The following XK variants were observed in gnomAD, a reference collection of about 807,000 sequenced individuals.
XK encodes X-linked Kx blood group antigen, Kell and VPS13A binding protein.
In XK, 2 loss-of-function variants were observed where a neutral mutation model predicts 14.0. The observed-to-expected ratio is 0.14, with a 90% confidence interval of 0.06 to 0.45. The LOEUF (loss-of-function observed/expected upper bound fraction) is 0.45, where lower values mean the gene tolerates loss of function less well. XK is among the 20% of genes least tolerant of loss of function. XK has a pLI of 0.98. For synonymous variants in XK, 149 were observed against 147.5 expected, an observed-to-expected ratio of 1.01 and a Z score of -0.08; for missense variants, 235 against 341.5, an observed-to-expected ratio of 0.69 and a Z score of 2.46.
rs1445465598 is a variant in XK at position 37,730,132 on chromosome X, G to T, written c.*1670G>T. ...TTATCAATATTTGTGGTTTAACTTT[G>T]TGGGGGTGTCCAGGCAGTAGATCAT... On this transcript the variant is annotated 3_prime_UTR_variant, in exon 3 of 3. Coordinates refer to ENST00000378616, the MANE Select transcript of XK (RefSeq NM_021083.4). 1 of 111,522 alleles carries T rather than the reference G, an allele frequency of 9.0e-6. No individual in the cohort carries two copies. Among genetic ancestry groups the T allele is most frequent in the African/African-American group, 3.3e-5 (1 of 30,686 alleles). The allele number at this position is 111,522 out of a possible 1,213,427, so 9.2% of individuals were successfully genotyped here. A position where few individuals can be genotyped will look rare whatever the true frequency, so the allele number is the denominator to read the frequency against.
At chrX:37,720,134 C>T (rs1318952714) in intron 2 of XK, among the ~76,000 whole-genome samples, 1 of 111,447 alleles carries the variant, frequency 9.0e-6, no homozygotes, top group African/African-American at 3.3e-5. Context: ...GCTCCCATAC[C>T]CACCAGCTTT....
chrX:37,712,243 A>G (rs1034398600), intron 2 of XK, among the ~76,000 whole-genome samples: 3 of 111,919 alleles, frequency 2.7e-5, no homozygotes, highest in African/African-American at 9.7e-5. Flanking sequence ...CGCTGCCCAG[A>G]GATCTACTTT....
At position 37,731,869 on chromosome X, in the gene XK, A is replaced by AAGGCATTAT. The variant is rs1247536593; in HGVS notation, c.*3408_*3416dup. The AAGGCATTAT allele has an allele frequency of 8.9e-6, 1 of 112,484 alleles. No homozygotes were observed. Among genetic ancestry groups the AAGGCATTAT allele is most frequent in the Non-Finnish European group, 1.9e-5 (1 of 53,241 alleles). The allele number at this position is 112,484 out of a possible 1,213,427, so 9.3% of individuals were successfully genotyped here. On this transcript the variant is annotated 3_prime_UTR_variant, in exon 3 of 3. Transcript: ENST00000378616. ...TGCTTTACAACTTGAATGCTGATTC[A>AAGGCATTAT]AGGCATTATTTGGATGTGAGTTTAA...
intron 2 of XK, among the ~76,000 whole-genome samples, chrX:37,698,382 C>T (rs1927342666): frequency 9.2e-6 from 1 of 108,562 alleles, no homozygotes; most frequent in Admixed American, 9.9e-5. Flanking sequence ...GTGGGCAAAT[C>T]GCTTGACCCC....
intron 2 of XK, among the ~76,000 whole-genome samples, chrX:37,697,056 G>A (rs1471218159): frequency 9.0e-6 from 1 of 111,473 alleles, no homozygotes; most frequent in Non-Finnish European, 1.9e-5. Context: ...TAGCTTAAAG[G>A]GATGCTAGGA....
intron 1 of XK, among the ~76,000 whole-genome samples, chrX:37,688,055 CTTTCTTTTT>C (rs1168884859): frequency 4.8e-5 from 3 of 62,195 alleles, no homozygotes; most frequent in African/African-American, 2.3e-4. Context: ...TTCTTTCTTT[CTTTCTTTTT>C]TTTTTTTTTT....
rs189077027 is a variant in XK, at chrX:37,716,112, A to G, written c.509-11524A>G. Among the ~76,000 whole-genome samples, 274 of 112,153 alleles carry G rather than the reference A, an allele frequency of 2.4e-3. 1 individual carries two copies. Among genetic ancestry groups the G allele is most frequent in the African/African-American group, 8.4e-3 (260 of 30,852 alleles). On this transcript the variant is annotated intron_variant, in intron 2 of 2. Coordinates refer to ENST00000378616, the MANE Select transcript of XK (RefSeq NM_021083.4). ...ACGTGTAACTGCTGCTTATATAGCTATTTGAATAATCCAATATCCAGTATA... is the reference window on the plus strand; with the variant it reads ...ACGTGTAACTGCTGCTTATATAGCTGTTTGAATAATCCAATATCCAGTATA...
intron 2 of XK, among the ~76,000 whole-genome samples, chrX:37,725,899 G>A (rs1479643012): frequency 4.5e-5 from 5 of 111,700 alleles, no homozygotes; most frequent in African/African-American, 1.6e-4. Context: ...TCTGGAAAAC[G>A]TAAAACTATG....
intron 2 of XK, among the ~76,000 whole-genome samples, chrX:37,710,313 G>A (rs1265095025): frequency 1.8e-5 from 2 of 112,451 alleles, no homozygotes; most frequent in Non-Finnish European, 3.8e-5. Flanking sequence ...AGCGAAGAAA[G>A]GACATGCTTA....
chrX:37,716,164 C>T (rs1015475297), intron 2 of XK, among the ~76,000 whole-genome samples: 11 of 112,172 alleles, frequency 9.8e-5, no homozygotes, highest in African/African-American at 2.9e-4. Context: ...ACCCACATCT[C>T]TGTAAAGTAA....
rs1002203769 is a variant in XK at position 37,729,614 on chromosome X, A to C, written c.*1152A>C. On this transcript the variant is annotated 3_prime_UTR_variant, in exon 3 of 3. Transcript: ENST00000378616. ...TTTAATCGGAGACCCTATTTGTTTC[A>C]TTAAAGAGGATTGGGTAGCATATCC... 1 of 111,661 alleles carries C rather than the reference A, an allele frequency of 9.0e-6. No individual in the cohort carries two copies. The highest frequency in any genetic ancestry group is 1.9e-5 in the Non-Finnish European group (1 of 53,064). The allele number at this position is 111,661 out of a possible 1,213,427, so 9.2% of individuals were successfully genotyped here. A position where few individuals can be genotyped will look rare whatever the true frequency, so the allele number is the denominator to read the frequency against.
In XK at chrX:37,728,271, T is replaced by A; in HGVS notation, c.1144T>A (p.Ser382Thr). The A allele has an allele frequency of 8.3e-7, 1 of 1,211,328 alleles. No individual in the cohort carries two copies. ...FFHPCKKLFSSSVSEGFQRWL... is the reference protein window; with the variant it reads ...FFHPCKKLFSTSVSEGFQRWL... ...CCACCCTTGCAAAAAGCTCTTTTCT[T>A]CCAGTGTTTCTGAAGGCTTTCAGAG... The change falls in exon 3 of 3, where the codon TCC becomes ACC. Residue 382 changes from serine (S) to threonine (T), a missense_variant. Coordinates refer to ENST00000378616, the MANE Select transcript of XK (RefSeq NM_021083.4).
chrX:37,723,741 G>C (rs1927922798), intron 2 of XK, among the ~76,000 whole-genome samples: 1 of 110,925 alleles, frequency 9.0e-6, no homozygotes, highest in South Asian at 3.7e-4. Flanking sequence ...ACTTACCTTA[G>C]ATTGTAATAA....
chrX:37,689,294 A>C (rs1927159858), intron 1 of XK, among the ~76,000 whole-genome samples: 1 of 112,143 alleles, frequency 8.9e-6, no homozygotes, highest in Non-Finnish European at 1.9e-5. Context: ...TATTAGCCTG[A>C]CTTAATATCT....
intron 2 of XK, among the ~76,000 whole-genome samples, chrX:37,702,172 C>T (rs1927429779): frequency 9.0e-6 from 1 of 111,614 alleles, no homozygotes; most frequent in African/African-American, 3.3e-5. Flanking sequence ...TGGAGAGAGG[C>T]CTGCTTGCAG....
intron 1 of XK, among the ~76,000 whole-genome samples, chrX:37,689,257 T>C (rs962172557): frequency 8.9e-6 from 1 of 112,268 alleles, no homozygotes; most frequent in Admixed American, 9.5e-5. Flanking sequence ...AGCTTCCAGA[T>C]TAAAAGAAAA....
chrX:37,709,060 A>G (rs1927608427), intron 2 of XK, among the ~76,000 whole-genome samples: 1 of 112,271 alleles, frequency 8.9e-6, no homozygotes, highest in Non-Finnish European at 1.9e-5. Flanking sequence ...CAATCTCATG[A>G]ATATACTTCA....
intron 2 of XK, among the ~76,000 whole-genome samples, chrX:37,722,407 G>A (rs1251071844): frequency 2.7e-5 from 3 of 111,722 alleles, no homozygotes; most frequent in Non-Finnish European, 5.7e-5. Flanking sequence ...ATACAGCAAA[G>A]TTTTTGAGGA....
intron 1 of XK, among the ~76,000 whole-genome samples, chrX:37,693,694 G>C (rs1927250135): frequency 9.0e-6 from 1 of 111,719 alleles, no homozygotes. Flanking sequence ...AACATGTTGT[G>C]GTCTCCCAGT....
Sources: gnomAD v4.1 joint callset for allele counts (sites outside exome capture counted in the v4.1 genomes callset) on GRCh38, gnomAD v4.1.1 for gene constraint, MANE v1.5 for transcripts, NCBI Gene and HGNC (gene_info 2026-07-23, HGNC 2026-07-21) for gene names.